The following CYP3A7 variants were observed in gnomAD, a reference collection of about 807,000 sequenced individuals.
CYP3A7 encodes the protein cytochrome P450 3A7.
CYP3A7 carries 45 observed loss-of-function variants against 55.2 expected under a neutral mutation model. That is an observed-to-expected ratio of 0.82 (90% CI 0.64 to 1.05). The LOEUF is 1.05. CYP3A7 is among the 50% of genes least tolerant of loss of function. CYP3A7 has a pLI of 0.00. For missense variants in CYP3A7, 548 were observed against 605.3 expected, an observed-to-expected ratio of 0.91 and a Z score of 0.99; for synonymous variants, 180 against 207.4, an observed-to-expected ratio of 0.87 and a Z score of 1.13.
At chr7:99,733,283 G>A (rs1236566319) in intron 1 of CYP3A7, among the ~76,000 whole-genome samples, 1 of 152,178 alleles carries the variant, frequency 6.6e-6, no homozygotes, top group Non-Finnish European at 1.5e-5. Flanking sequence ...TAATGTGTGA[G>A]CAGCATTGGC....
rs1246842674 is a variant in CYP3A7, at chr7:99,717,592, C to T, written c.366G>A (p.Glu122=). ...ATCGTATTCTCTTCCATTCTTCATC[C>T]TCAGCTATAGAGATGGCATTTTTCA... The part of the protein sequence containing the change: ...GFMKNAISIA[E]DEEWKRIRSL... The change falls in exon 5 of 13, where the codon GAG becomes GAA. Residue 122 remains glutamate, a synonymous_variant. Transcript: ENST00000336374. The T allele has an allele frequency of 4.4e-5, 71 of 1,613,578 alleles. No homozygotes were observed. Among genetic ancestry groups the T allele is most frequent in the Non-Finnish European group, 5.9e-5 (70 of 1,179,794 alleles).
chr7:99,707,873 A>G lies in CYP3A7; in HGVS notation c.1355T>C (p.Met452Thr). Reference protein sequence around the residue: ...CIGMRFALVNMKLALVRVLQN... With the variant: ...CIGMRFALVNTKLALVRVLQN... ...AAGGACTCTGACTAGAGCAAGTTTCATGTTCACGAGAGCAAACCTCATGCC... is the reference window on the plus strand; with the variant it reads ...AAGGACTCTGACTAGAGCAAGTTTCGTGTTCACGAGAGCAAACCTCATGCC... Residue 452 changes from methionine (M) to threonine (T), a missense_variant, in exon 12 of 13, where the codon ATG becomes ACG. Met to Thr is a moderately conservative substitution (Grantham distance 81). Transcript: ENST00000336374. 1 of 1,614,040 alleles carries G rather than the reference A, an allele frequency of 6.2e-7. No individual in the cohort carries two copies. Among genetic ancestry groups the G allele is most frequent in the Non-Finnish European group, 8.5e-7 (1 of 1,179,922 alleles).
chr7:99,726,672 T>G (rs1814425319), intron 2 of CYP3A7, among the ~76,000 whole-genome samples: 1 of 152,152 alleles, frequency 6.6e-6, no homozygotes, highest in South Asian at 2.1e-4. Flanking sequence ...CCAAGCTCTC[T>G]CTCATGATTT....
intron 2 of CYP3A7, among the ~76,000 whole-genome samples, chr7:99,726,955 T>C (rs1284193260): frequency 2.0e-5 from 3 of 152,188 alleles, no homozygotes; most frequent in South Asian, 2.1e-4. Flanking sequence ...AAACAACTCC[T>C]TTCCTTCCTG....
chr7:99,707,001 T>C (rs1303787105), intron 12 of CYP3A7, among the ~76,000 whole-genome samples: 1 of 152,148 alleles, frequency 6.6e-6, no homozygotes, highest in Non-Finnish European at 1.5e-5. Context: ...TATATGATAA[T>C]AGCCTCCAGT....
rs1814781354 is a variant in CYP3A7 at position 99,735,100 on chromosome 7, T to C, written c.-7A>G. ...AGTTTGGGATGAGATCCATCACTAC[T>C]TTCCTTCCTTATCTCTCTCCTCTGA... On this transcript the variant is annotated 5_prime_UTR_variant, in exon 1 of 13. Transcript: ENST00000336374. The C allele has an allele frequency of 6.8e-6, 11 of 1,613,838 alleles. No homozygotes were observed. The highest frequency in any genetic ancestry group is 9.3e-6 in the Non-Finnish European group (11 of 1,179,904).
At chr7:99,717,694 G>A in intron 4 of CYP3A7, 55 bp from the exon 5 acceptor site, 1 of 1,596,922 alleles carries the variant, frequency 6.3e-7, no homozygotes. Context: ...GGTCTCCATG[G>A]TTGTAGAAAA....
At chr7:99,731,332 C>T (rs754074395) in intron 1 of CYP3A7, among the ~76,000 whole-genome samples, 180 bp from the exon 2 acceptor site, 1 of 152,156 alleles carries the variant, frequency 6.6e-6, no homozygotes, top group African/African-American at 2.4e-5. Context: ...TTCATGCTTC[C>T]ACCATGAGAC....
intron 2 of CYP3A7, among the ~76,000 whole-genome samples, chr7:99,722,985 G>A (rs971720317): frequency 1.3e-5 from 2 of 151,898 alleles, no homozygotes; most frequent in African/African-American, 2.4e-5. Flanking sequence ...ACACATCGGA[G>A]ACAGAAAATT....
intron 4 of CYP3A7, 33 bp from the exon 5 acceptor site, chr7:99,717,672 A>T (rs555886143): frequency 2.5e-6 from 4 of 1,611,266 alleles, no homozygotes; most frequent in Non-Finnish European, 2.5e-6. Flanking sequence ...TTTGTCCTAC[A>T]TCAGTTGTGG....
chr7:99,722,145 A>C (rs1429727246), intron 3 of CYP3A7, 151 bp downstream of exon 3: 2 of 946,862 alleles, frequency 2.1e-6, no homozygotes, highest in Non-Finnish European at 3.3e-6. Flanking sequence ...TCCCAAATAC[A>C]TATCTTCTTC....
intron 2 of CYP3A7, among the ~76,000 whole-genome samples, chr7:99,722,947 A>G (rs2687142): frequency 0.76 from 115,804 of 151,988 alleles, 47,094 homozygotes; most frequent in Non-Finnish European, 0.91. Flanking sequence ...CCAGCTTAAC[A>G]TGAAAGTTCT....
At chr7:99,732,439 C>T (rs932698838) in intron 1 of CYP3A7, among the ~76,000 whole-genome samples, 1 of 152,098 alleles carries the variant, frequency 6.6e-6, no homozygotes, top group East Asian at 1.9e-4. Flanking sequence ...CAGACATGCT[C>T]ATTTTTTTTC....
chr7:99,707,805 G>T lies in CYP3A7; in HGVS notation c.1416+7C>A. ...TAAAACATTATTAATGCAGAAAATT[G>T]ACTGACCTGTGTTTCTTTACAAGGT... On this transcript the variant is annotated splice_region_variant and intron_variant, in intron 12 of 12. Transcript: ENST00000336374. The T allele has an allele frequency of 6.2e-7, 1 of 1,613,660 alleles. No homozygotes were observed.
rs865932176 is a variant in CYP3A7 at position 99,705,127 on chromosome 7, T to C, written c.*373A>G. On this transcript the variant is annotated 3_prime_UTR_variant, in exon 13 of 13. Transcript: ENST00000336374. ...TAACACATGATATAAATGTCACTGT[T>C]AGAGCCATCAAAATAATTCCTATTT... 6 of 251,474 alleles carry C rather than the reference T, an allele frequency of 2.4e-5. No individual in the cohort carries two copies. Among genetic ancestry groups the C allele is most frequent in the South Asian group, 5.2e-5 (1 of 19,066 alleles). The allele number at this position is 251,474 out of a possible 1,614,324, so 15.6% of individuals were successfully genotyped here. A position where few individuals can be genotyped will look rare whatever the true frequency, so the allele number is the denominator to read the frequency against.
chr7:99,710,995 A>G, intron 9 of CYP3A7, 103 bp from the exon 10 acceptor site: 1 of 1,582,692 alleles, frequency 6.3e-7, no homozygotes, highest in Non-Finnish European at 8.6e-7. Context: ...CCCAGGGGAA[A>G]AAATAGAAAA....
At chr7:99,716,407 A>G (rs1323184958) in intron 6 of CYP3A7, among the ~76,000 whole-genome samples, 1 of 152,146 alleles carries the variant, frequency 6.6e-6, no homozygotes, top group Non-Finnish European at 1.5e-5. Context: ...CTTATTCTCT[A>G]TACTCCCTGC....
chr7:99,720,334 A>G lies in CYP3A7; in HGVS notation c.297T>C (p.Tyr99=), dbSNP rs1395173187. ...MIKTVLVKEC[Y]SVFTNRRPFG... ...TTACCCTCCGGTTTGTGAAGACAGA[A>G]TAACATTCTTTCACTAGCACTGTTT... Residue 99 remains tyrosine (Y), a synonymous_variant, in exon 4 of 13, where the codon TAT becomes TAC. Transcript: ENST00000336374. 1.9e-6 allele frequency: 3 copies of G among 1,613,306 alleles called. No individual in the cohort carries two copies. Among genetic ancestry groups the G allele is most frequent in the African/African-American group, 2.7e-5 (2 of 74,896 alleles).
intron 7 of CYP3A7, chr7:99,715,520 T>A (rs1813907076): frequency 1.7e-6 from 1 of 579,946 alleles, no homozygotes; most frequent in Non-Finnish European, 2.9e-6. Flanking sequence ...AGTTGACTAG[T>A]GGTTATATAC....
Sources: allele counts gnomAD v4.1 joint callset (sites outside exome capture counted in the v4.1 genomes callset), GRCh38; gene constraint gnomAD v4.1.1; transcripts MANE v1.5; gene names NCBI Gene and HGNC (gene_info 2026-07-23, HGNC 2026-07-21).